Variants in MYO16 observed in about 807,000 individuals in gnomAD.
The protein encoded by MYO16 is unconventional myosin-XVI.
MYO16 carries 94 observed loss-of-function variants against 205.3 expected under a neutral mutation model. That is an observed-to-expected ratio of 0.46 (90% CI 0.39 to 0.54). The LOEUF is 0.54. Ranked by LOEUF, MYO16 falls within the 20% of genes least tolerant of loss-of-function variation. The pLI is 0.00. For missense variants in MYO16, 2,315 were observed against 2,387.5 expected (o/e 0.97, Z 0.63); for synonymous variants, 988 against 954.0 (o/e 1.04, Z -0.66).
chr13:108,549,628 T>C, the MYO16 span, among the ~76,000 whole-genome samples: 1 of 152,016 alleles, frequency 6.6e-6, no homozygotes, highest in Non-Finnish European at 1.5e-5. Context: ...TTATGTTAAA[T>C]GCATGTGTGA....
intron 16 of MYO16, among the ~76,000 whole-genome samples, chr13:108,912,002 G>A (rs985409705): frequency 2.0e-5 from 3 of 152,198 alleles, no homozygotes; most frequent in Non-Finnish European, 2.9e-5. Context: ...GAGAAGAGTG[G>A]CCAGAGAACC....
chr13:108,737,944 C>T (rs1401379692), intron 4 of MYO16, among the ~76,000 whole-genome samples: 1 of 152,144 alleles, frequency 6.6e-6, no homozygotes, highest in Non-Finnish European at 1.5e-5. Flanking sequence ...ATAATATTCT[C>T]TGATGGTAGT....
chr13:108,777,612 A>G (rs1393438698), intron 4 of MYO16, among the ~76,000 whole-genome samples: 3 of 152,186 alleles, frequency 2.0e-5, no homozygotes, highest in Admixed American at 6.5e-5. Context: ...TACCCACCAC[A>G]GTGGGCAAGA....
At chr13:108,626,368 T>G (rs1332514804), upstream of MYO16, among the ~76,000 whole-genome samples, 2 of 152,198 alleles carry the variant, frequency 1.3e-5, no homozygotes, top group Non-Finnish European at 2.9e-5. Context: ...TTTCTGGAAA[T>G]GCAAAACAAT....
intron 21 of MYO16, among the ~76,000 whole-genome samples, chr13:109,003,578 A>G (rs1885289443): frequency 6.6e-6 from 1 of 152,216 alleles, no homozygotes; most frequent in South Asian, 2.1e-4. Flanking sequence ...GTTTGTGGAA[A>G]AAAGGAAGAA....
chr13:108,580,291 A>T, the MYO16 span, among the ~76,000 whole-genome samples: 1 of 152,128 alleles, frequency 6.6e-6, no homozygotes. Context: ...TGAGATTTCT[A>T]TGCTTAAAAT....
At chr13:108,987,598 G>A (rs1049794664) in intron 20 of MYO16, among the ~76,000 whole-genome samples, 2 of 152,182 alleles carry the variant, frequency 1.3e-5, no homozygotes, top group South Asian at 2.1e-4. Flanking sequence ...CTCTATGTAC[G>A]TGCAGCTGAT....
chr13:108,623,761 C>G (rs1244775553), intron 1 of MYO16, among the ~76,000 whole-genome samples: 1 of 152,044 alleles, frequency 6.6e-6, no homozygotes, highest in Non-Finnish European at 1.5e-5. Flanking sequence ...TTTTGGACTT[C>G]ATAGGAAATA....
intron 1 of MYO16, among the ~76,000 whole-genome samples, chr13:108,621,158 G>A (rs542734532): frequency 1.8e-4 from 28 of 152,112 alleles, no homozygotes; most frequent in African/African-American, 6.3e-4. Flanking sequence ...CAAGCTTCGG[G>A]TGCCTGCTCC....
chr13:108,602,188 C>A (rs865825838), intron 1 of MYO16, among the ~76,000 whole-genome samples: 1 of 151,670 alleles, frequency 6.6e-6, no homozygotes, highest in African/African-American at 2.4e-5. Context: ...GACTTCCCAG[C>A]CTCACAACTC....
intron 12 of MYO16, among the ~76,000 whole-genome samples, chr13:108,879,396 G>T (rs1044166483): frequency 1.4e-4 from 21 of 151,920 alleles, no homozygotes; most frequent in Non-Finnish European, 2.1e-4. Context: ...AAGTTCTAGG[G>T]TACATGTGCA....
intron 23 of MYO16, among the ~76,000 whole-genome samples, chr13:109,039,212 C>T (rs186020039): frequency 1.3e-5 from 2 of 152,304 alleles, no homozygotes; most frequent in Admixed American, 1.3e-4. Flanking sequence ...CCTTCTCTTG[C>T]CAAGTGCTGG....
chr13:108,753,056 G>C (rs1055582306), intron 4 of MYO16, among the ~76,000 whole-genome samples: 8 of 151,728 alleles, frequency 5.3e-5, no homozygotes, highest in Non-Finnish European at 1.5e-5. Context: ...TACTCAAAAA[G>C]ATAATAATGA....
At chr13:108,591,680 G>A (rs1299298461), upstream of MYO16, among the ~76,000 whole-genome samples, 1 of 152,132 alleles carries the variant, frequency 6.6e-6, no homozygotes, top group African/African-American at 2.4e-5. Flanking sequence ...ATGTTGTTGA[G>A]CCTTCATTTT....
intron 10 of MYO16, among the ~76,000 whole-genome samples, chr13:108,852,987 C>T (rs895633980): frequency 1.3e-5 from 2 of 152,160 alleles, no homozygotes; most frequent in Non-Finnish European, 2.9e-5. Flanking sequence ...TAGATGAGCT[C>T]GCATTTTCTA....
rs202109963 is a variant in MYO16 at position 108,855,454 on chromosome 13, G to A, written c.1260G>A (p.Met420Ile). ...CGGTTCTTCCCCAGGTCAAGCTAAT[G>A]CCTCCTGCCCCAAACGATGACCTGG... The part of the protein sequence containing the change: ...GSTKPEQVKL[M>I]PPAPNDDLAT... Residue 420 changes from methionine (M) to isoleucine (I), a missense_variant, in exon 11 of 35, where the codon ATG becomes ATA. Physicochemically the swap from Met to Ile is conservative, Grantham distance 10 (BLOSUM62 1). Around this residue, in one of 3 missense-constraint regions of MYO16, gnomAD observed 1,213 missense variants for 1,274.4 expected, o/e 0.95. Transcript: ENST00000457511. The A allele has an allele frequency of 1.4e-5, 22 of 1,575,704 alleles. No individual in the cohort carries two copies. The highest frequency in any genetic ancestry group is 1.7e-4 in the Middle Eastern group (1 of 5,892).
At chr13:108,808,220 G>A (rs1162841398) in intron 7 of MYO16, among the ~76,000 whole-genome samples, 1 of 151,604 alleles carries the variant, frequency 6.6e-6, no homozygotes, top group Non-Finnish European at 1.5e-5. Flanking sequence ...CAATTTCAGA[G>A]GTTGAGTCCT....
At chr13:108,733,838 A>G (rs1447134392) in intron 4 of MYO16, among the ~76,000 whole-genome samples, 3 of 152,108 alleles carry the variant, frequency 2.0e-5, no homozygotes, top group Admixed American at 6.5e-5. Flanking sequence ...GCATGGTGGC[A>G]GGCACCTGTA....
the MYO16 span, among the ~76,000 whole-genome samples, chr13:108,547,805 G>T: frequency 2.0e-5 from 3 of 152,280 alleles, no homozygotes; most frequent in Admixed American, 6.5e-5. Context: ...TGTAAATAAA[G>T]AAAATCTTCA....
Sources: allele counts gnomAD v4.1 joint callset (sites outside exome capture counted in the v4.1 genomes callset), GRCh38; gene constraint gnomAD v4.1.1; regional missense constraint gnomAD v4.1.1; transcripts MANE v1.5; gene names NCBI Gene and HGNC (gene_info 2026-07-23, HGNC 2026-07-21).